NEK7: variants seen among roughly 807,000 people sequenced by gnomAD.
NEK7 encodes the protein serine/threonine-protein kinase Nek7.
NEK7 carries 18 observed loss-of-function variants against 44.6 expected under a neutral mutation model. That is an observed-to-expected ratio of 0.40 (90% CI 0.28 to 0.60). The LOEUF (loss-of-function observed/expected upper bound fraction) is 0.60. Ranked by LOEUF, NEK7 falls within the 20% of genes least tolerant of loss-of-function variation. The probability of loss-of-function intolerance (pLI) is 0.38; values close to 1 mark genes in which losing one functional copy is unlikely to be tolerated. For synonymous variants in NEK7, 130 were observed against 121.1 expected, an observed-to-expected ratio of 1.07 and a Z score of -0.48; for missense variants, 256 against 366.5, an observed-to-expected ratio of 0.70 and a Z score of 2.46.
At chr1:198,284,015 G>A (rs561377998) in intron 7 of NEK7, among the ~76,000 whole-genome samples, 1 of 152,190 alleles carries the variant, frequency 6.6e-6, no homozygotes, top group Non-Finnish European at 1.5e-5. Context: ...TGTTGAATTG[G>A]TCAATCATAA....
At chr1:198,252,914 T>C in intron 2 of NEK7, 126 bp from the exon 3 acceptor site, 1 of 719,862 alleles carries the variant, frequency 1.4e-6, no homozygotes, top group Middle Eastern at 2.9e-4. Context: ...AAATATTTGT[T>C]GTTGAGTGAA....
intron 4 of NEK7, among the ~76,000 whole-genome samples, chr1:198,263,375 A>G (rs1275133552): frequency 2.0e-5 from 3 of 151,950 alleles, no homozygotes; most frequent in Admixed American, 1.3e-4. Context: ...TGGCTTAAAT[A>G]TATGTAAACT....
chr1:198,169,679 G>A (rs1244154197), intron 1 of NEK7, among the ~76,000 whole-genome samples: 1 of 146,144 alleles, frequency 6.8e-6, no homozygotes, highest in African/African-American at 2.5e-5. Flanking sequence ...TTTTCCATAT[G>A]TCACTGTTCA....
intron 1 of NEK7, among the ~76,000 whole-genome samples, chr1:198,186,871 T>C (rs555592598): frequency 3.5e-4 from 54 of 152,334 alleles, no homozygotes; most frequent in African/African-American, 1.1e-3. Flanking sequence ...TACTAGTAGA[T>C]ATTATTTCAG....
rs1296483728 is a variant in NEK7 at position 198,321,154 on chromosome 1, TG to T, written c.*1633del. 3 of 152,222 alleles carry T rather than the reference TG, an allele frequency of 2.0e-5. No individual in the cohort carries two copies. The highest frequency in any genetic ancestry group is 4.4e-5 in the Non-Finnish European group (3 of 68,032). 9.4% of individuals were successfully genotyped at this position (152,222 alleles called of 1,614,324 possible). A position where few individuals can be genotyped will look rare whatever the true frequency, so the allele number is the denominator to read the frequency against. ...TGTGTTTTTCTTACACTCATTTGAA[TG>T]CTTTCAAGCATTTGTAAACTTAAAA... On this transcript the variant is annotated 3_prime_UTR_variant, in exon 10 of 10. Coordinates refer to ENST00000367385, the MANE Select transcript of NEK7 (RefSeq NM_133494.3).
chr1:198,170,599 A>G (rs1018239608), intron 1 of NEK7, among the ~76,000 whole-genome samples: 4 of 152,184 alleles, frequency 2.6e-5, no homozygotes, highest in African/African-American at 9.7e-5. Flanking sequence ...TCCATGTTCC[A>G]AGGATCCCCT....
chr1:198,195,989 C>T (rs17585460), intron 1 of NEK7, among the ~76,000 whole-genome samples: 15,221 of 152,066 alleles, frequency 0.1, 1,061 homozygotes, highest in South Asian at 0.25. Context: ...AATATATCTT[C>T]TGTTATTGTT....
Position 198,320,649 on chromosome 1 carries a change from G to A in NEK7, c.*1127G>A, listed in dbSNP as rs1655507041. ...TTTTAAAATTTGGGCCACTCTGTAT[G>A]CATATGTTTGGTCTTGTTAAAGAGG... On this transcript the variant is annotated 3_prime_UTR_variant, in exon 10 of 10. Transcript: ENST00000367385. 6.6e-6 allele frequency: 1 copy of A among 152,012 alleles called. No homozygotes were observed. The highest frequency in any genetic ancestry group is 2.4e-5 in the African/African-American group (1 of 41,380). The allele number at this position is 152,012 out of a possible 1,614,324, so 9.4% of individuals were successfully genotyped here.
chr1:198,251,559 T>C (rs1333735971), intron 2 of NEK7, among the ~76,000 whole-genome samples: 1 of 152,146 alleles, frequency 6.6e-6, no homozygotes, highest in African/African-American at 2.4e-5. Context: ...TCAGAGCTGT[T>C]ATTGGTTTAT....
chr1:198,233,976 T>C (rs1666477121), intron 2 of NEK7, among the ~76,000 whole-genome samples: 1 of 151,704 alleles, frequency 6.6e-6, no homozygotes, highest in African/African-American at 2.4e-5. Context: ...CAGTCTTTCC[T>C]TGGAAATGTG....
At chr1:198,252,732 A>G (rs181872238) in intron 2 of NEK7, among the ~76,000 whole-genome samples, 5 of 150,968 alleles carry the variant, frequency 3.3e-5, no homozygotes, top group African/African-American at 1.2e-4. Flanking sequence ...TAAAACATGT[A>G]TGTATGTTTT....
chr1:198,195,642 G>A (rs1198790403), intron 1 of NEK7, among the ~76,000 whole-genome samples: 1 of 152,154 alleles, frequency 6.6e-6, no homozygotes, highest in Non-Finnish European at 1.5e-5. Context: ...CCAACATGGT[G>A]AAACCCCATC....
intron 1 of NEK7, among the ~76,000 whole-genome samples, chr1:198,190,560 G>C (rs572119942): frequency 2.0e-4 from 30 of 152,084 alleles, no homozygotes; most frequent in African/African-American, 7.0e-4. Context: ...GCTTCTCTGT[G>C]TATTTAGAGG....
At chr1:198,235,315 TTA>T (rs1213250380) in intron 2 of NEK7, among the ~76,000 whole-genome samples, 2 of 152,102 alleles carry the variant, frequency 1.3e-5, no homozygotes, top group Non-Finnish European at 2.9e-5. Flanking sequence ...AATGTGAGAT[TTA>T]TGTTTCTTTA....
At chr1:198,220,608 T>G (rs1038768313) in intron 1 of NEK7, among the ~76,000 whole-genome samples, 3 of 152,084 alleles carry the variant, frequency 2.0e-5, no homozygotes, top group Non-Finnish European at 4.4e-5. Context: ...TGCTTGATTA[T>G]GGGAAGTACT....
At chr1:198,172,100 A>G (rs565197489) in intron 1 of NEK7, among the ~76,000 whole-genome samples, 3 of 152,302 alleles carry the variant, frequency 2.0e-5, no homozygotes, top group South Asian at 4.1e-4. Flanking sequence ...AATGCTGAAA[A>G]ACAAAACAAA....
chr1:198,178,780 T>C (rs752660616), intron 1 of NEK7, among the ~76,000 whole-genome samples: 6 of 151,938 alleles, frequency 3.9e-5, no homozygotes, highest in Non-Finnish European at 7.4e-5. Context: ...GAAGAGCACT[T>C]ATGGTTGTAG....
chr1:198,243,402 T>C (rs983240009), intron 2 of NEK7, among the ~76,000 whole-genome samples: 1 of 152,244 alleles, frequency 6.6e-6, no homozygotes, highest in African/African-American at 2.4e-5. Flanking sequence ...CTTTTTACTC[T>C]GTCTCTGTCT....
At chr1:198,234,987 A>G (rs764779794) in intron 2 of NEK7, among the ~76,000 whole-genome samples, 3 of 152,200 alleles carry the variant, frequency 2.0e-5, no homozygotes, top group Admixed American at 1.3e-4. Flanking sequence ...CTGGGAAAGG[A>G]CAGCCTCTGC....
Sources: allele counts gnomAD v4.1 joint callset (sites outside exome capture counted in the v4.1 genomes callset), GRCh38; gene constraint gnomAD v4.1.1; transcripts MANE v1.5; gene names NCBI Gene and HGNC (gene_info 2026-07-23, HGNC 2026-07-21).